Variants in USF3 observed in about 807,000 individuals in gnomAD.
USF3 encodes the protein upstream transcription factor family member 3, also known as basic helix-loop-helix domain-containing protein USF3.
In USF3, 29 loss-of-function variants were observed where a neutral mutation model predicts 157.5. That is an observed-to-expected ratio of 0.18 (90% CI 0.14 to 0.25). The LOEUF (loss-of-function observed/expected upper bound fraction) is 0.25. USF3 is among the 10% of genes least tolerant of loss of function. The probability of loss-of-function intolerance (pLI) is 1.00; values close to 1 mark genes in which losing one functional copy is unlikely to be tolerated. For missense variants in USF3, 2,381 were observed against 2,667.6 expected, an observed-to-expected ratio of 0.89 and a Z score of 2.37; for synonymous variants, 893 against 941.4, an observed-to-expected ratio of 0.95 and a Z score of 0.94.
At position 113,658,652 on chromosome 3, in the gene USF3, A is replaced by T. The variant is rs1356403944; in HGVS notation, c.3030T>A (p.Asp1010Glu). ...KGQGLTTLLSDLAKKKNPQKS... is the reference protein window; with the variant it reads ...KGQGLTTLLSELAKKKNPQKS... ...TCTGAGGGTTTTTTTTTTTAGCAAG[A>T]TCAGATAGCAATGTAGTTAAACCTT... Residue 1010 changes from aspartate (D) to glutamate (E), a missense_variant, in exon 7 of 7, where the codon GAT (aspartate) becomes GAA (glutamate). Physicochemically the swap from Asp to Glu is conservative, Grantham distance 45. Around this residue, in one of 6 missense-constraint regions of USF3, gnomAD observed 1,435 missense variants for 1,550.9 expected, o/e 0.93. Coordinates refer to ENST00000316407, the MANE Select transcript of USF3 (RefSeq NM_001009899.4). The T allele has an allele frequency of 3.1e-6, 5 of 1,613,878 alleles. No individual in the cohort carries two copies. The highest frequency in any genetic ancestry group is 4.2e-6 in the Non-Finnish European group (5 of 1,179,932).
At chr3:113,686,991 T>C (rs1707565668) in intron 1 of USF3, among the ~76,000 whole-genome samples, 1 of 152,124 alleles carries the variant, frequency 6.6e-6, no homozygotes, top group South Asian at 2.1e-4. Context: ...GCGAGAAGAG[T>C]TAATCTCTAC....
At chr3:113,665,083 T>C (rs538541217) in intron 5 of USF3, among the ~76,000 whole-genome samples, 4 of 152,162 alleles carry the variant, frequency 2.6e-5, no homozygotes, top group East Asian at 3.9e-4. Flanking sequence ...TATATGGAGG[T>C]TGGGGAAGGG....
At chr3:113,690,917 G>A (rs1289881946) in intron 1 of USF3, among the ~76,000 whole-genome samples, 1 of 152,146 alleles carries the variant, frequency 6.6e-6, no homozygotes, top group Non-Finnish European at 1.5e-5. Context: ...GCCAGGCACG[G>A]TGGCTCACAC....
intron 1 of USF3, among the ~76,000 whole-genome samples, chr3:113,692,125 G>A (rs1199323239): frequency 2.6e-5 from 4 of 152,140 alleles, no homozygotes; most frequent in African/African-American, 9.7e-5. Context: ...ATCTAATGCT[G>A]CCGCTGATCT....
Position 113,656,145 on chromosome 3 carries a change from G to C in USF3, c.5537C>G (p.Thr1846Arg). 1.2e-6 allele frequency: 2 copies of C among 1,614,178 alleles called. No homozygotes were observed. The highest frequency in any genetic ancestry group is 4.5e-5 in the East Asian group (2 of 44,888). Residue 1846 changes from threonine to arginine, a missense_variant, in exon 7 of 7, where the codon ACA becomes AGA. Thr to Arg is a moderately conservative substitution (Grantham distance 71). Coordinates refer to ENST00000316407, the MANE Select transcript of USF3 (RefSeq NM_001009899.4). ...AATTGCAGAGGATGGACCACACTGT[G>C]TATTCCTCTGATGTTCTGAGAGTGA... Reference protein sequence around the residue: ...QRSLSEHQRNTQCGPSSAIEY... With the variant: ...QRSLSEHQRNRQCGPSSAIEY...
At position 113,657,383 on chromosome 3, in the gene USF3, C is replaced by G; in HGVS notation, c.4299G>C (p.Gln1433His). 2 of 1,614,102 alleles carry G rather than the reference C, an allele frequency of 1.2e-6. No homozygotes were observed. Among genetic ancestry groups the G allele is most frequent in the Non-Finnish European group, 1.7e-6 (2 of 1,180,028 alleles). ...GCAGGGCCTGTAGATGCTGACTTGC[C>G]TGGGTTTGCTGCTGTTCAGCAACTG... ...QPSVAEQQQT[Q>H]ASQHLQALQQ... Residue 1433 changes from glutamine (Q) to histidine (H), a missense_variant, in exon 7 of 7, where the codon CAG becomes CAC. Physicochemically the swap from Gln to His is conservative, Grantham distance 24 (BLOSUM62 0). This residue lies in a region of USF3 where 1,435 missense variants were observed against 1,550.9 expected (regional missense o/e 0.93). Coordinates refer to ENST00000316407, the MANE Select transcript of USF3 (RefSeq NM_001009899.4).
Position 113,659,206 on chromosome 3 carries a change from G to A in USF3, c.2476C>T (p.Pro826Ser), listed in dbSNP as rs1361199626. The A allele has an allele frequency of 6.2e-7, 1 of 1,614,114 alleles. No individual in the cohort carries two copies. Among genetic ancestry groups the A allele is most frequent in the Admixed American group, 1.7e-5 (1 of 60,004 alleles). The change falls in exon 7 of 7, where the codon CCC (proline) becomes TCC (serine). Residue 826 changes from proline to serine, a missense_variant. Around this residue, in one of 6 missense-constraint regions of USF3, gnomAD observed 1,435 missense variants for 1,550.9 expected, o/e 0.93. Transcript: ENST00000316407. ...SVRDVSKLDCPNTEGSAEPPC... is the reference protein window; with the variant it reads ...SVRDVSKLDCSNTEGSAEPPC... ...GGCTCTGCTGAGCCTTCAGTGTTGG[G>A]GCAGTCTAACTTGCTCACATCTCTG... is the stretch of plus-strand genomic sequence containing the variant.
chr3:113,653,526 C>A lies in USF3; in HGVS notation c.*1418G>T, dbSNP rs1947299975. On this transcript the variant is annotated 3_prime_UTR_variant, in exon 7 of 7. Transcript: ENST00000316407. ...GCTGAGGCAGGAGAATCACTTGAAC[C>A]CGGGAGGTGGAGCTTGCAGTGAGCT... 2 of 151,288 alleles carry A rather than the reference C, an allele frequency of 1.3e-5. No homozygotes were observed. Among genetic ancestry groups the A allele is most frequent in the Non-Finnish European group, 2.9e-5 (2 of 68,018 alleles). The allele number at this position is 151,288 out of a possible 1,614,324, so 9.4% of individuals were successfully genotyped here.
chr3:113,650,555 A>C lies in USF3; in HGVS notation c.*4389T>G, dbSNP rs1021332094. On this transcript the variant is annotated 3_prime_UTR_variant, in exon 7 of 7. Coordinates refer to ENST00000316407, the MANE Select transcript of USF3 (RefSeq NM_001009899.4). ...CTATCAAAGGGAAGATAAAGCTAAG[A>C]AGATGCATATTCATAAGATTTTACC... 6 of 152,224 alleles carry C rather than the reference A, an allele frequency of 3.9e-5. No individual in the cohort carries two copies. Among genetic ancestry groups the C allele is most frequent in the African/African-American group, 1.4e-4 (6 of 41,454 alleles). The allele number at this position is 152,224 out of a possible 1,614,324, so 9.4% of individuals were successfully genotyped here. A position where few individuals can be genotyped will look rare whatever the true frequency, so the allele number is the denominator to read the frequency against.
Position 113,661,511 on chromosome 3 carries a change from T to C in USF3, c.257-86A>G, listed in dbSNP as rs1947486750. The C allele has an allele frequency of 1.1e-5, 8 of 703,928 alleles. No individual in the cohort carries two copies. The South Asian group carries it at 1.4e-4, about 12-fold the overall frequency. The allele number at this position is 703,928 out of a possible 1,614,324, so 43.6% of individuals were successfully genotyped here. A position where few individuals can be genotyped will look rare whatever the true frequency, so the allele number is the denominator to read the frequency against. On this transcript the variant is annotated intron_variant, in intron 6 of 6. Coordinates refer to ENST00000316407, the MANE Select transcript of USF3 (RefSeq NM_001009899.4). ...GATAAAGAACTGTATACTAAACTAC[T>C]GAATTCTAATTCTAGCATTCTAAGT...
chr3:113,667,942 G>A (rs967857607), intron 5 of USF3, among the ~76,000 whole-genome samples: 4 of 152,098 alleles, frequency 2.6e-5, no homozygotes, highest in Non-Finnish European at 5.9e-5. Flanking sequence ...GGGAAGAAAG[G>A]AAATGAAGAG....
rs1044936724 is a variant in USF3 at position 113,654,889 on chromosome 3, C to G, written c.*55G>C. ...TCATGTACATGTCTGTGCACATGCA[C>G]GCACAAATACATTTGTAATCTCACT... On this transcript the variant is annotated 3_prime_UTR_variant, in exon 7 of 7. Transcript: ENST00000316407. 2 of 1,535,574 alleles carry G rather than the reference C, an allele frequency of 1.3e-6. No homozygotes were observed. The highest frequency in any genetic ancestry group is 4.5e-5 in the East Asian group (2 of 44,238).
intron 6 of USF3, among the ~76,000 whole-genome samples, chr3:113,662,626 A>G (rs1222737893): frequency 1.3e-5 from 2 of 152,218 alleles, no homozygotes; most frequent in African/African-American, 4.8e-5. Context: ...GTAGAAATTA[A>G]AGAACAATCA....
intron 1 of USF3, among the ~76,000 whole-genome samples, chr3:113,695,619 T>C (rs989890782): frequency 6.6e-6 from 1 of 152,242 alleles, no homozygotes; most frequent in Non-Finnish European, 1.5e-5. Context: ...TTCTGCACTT[T>C]GGTTTATGCA....
At chr3:113,670,350 G>C in intron 4 of USF3, 147 bp from the exon 5 acceptor site, 3 of 614,524 alleles carry the variant, frequency 4.9e-6, no homozygotes. Flanking sequence ...TGCAAACCCA[G>C]CATTTTGGGA....
At chr3:113,681,690 A>G (rs1434232081) in intron 1 of USF3, among the ~76,000 whole-genome samples, 2 of 149,738 alleles carry the variant, frequency 1.3e-5, no homozygotes, top group African/African-American at 4.9e-5. Flanking sequence ...ATGAGCCACC[A>G]CACCCAGCAA....
chr3:113,680,063 T>TC (rs1321514846), intron 1 of USF3, among the ~76,000 whole-genome samples: 6 of 145,566 alleles, frequency 4.1e-5, no homozygotes, highest in Non-Finnish European at 7.5e-5. Flanking sequence ...CTTTTTTTTT[T>TC]TTTTTTTTTT....
Position 113,670,209 on chromosome 3 carries a change from T to C in USF3, c.77-6A>G. 2 of 1,574,278 alleles carry C rather than the reference T, an allele frequency of 1.3e-6. No homozygotes were observed. The highest frequency in any genetic ancestry group is 1.3e-5 in the African/African-American group (1 of 74,252). Reference sequence around the variant, plus strand: ...CTTCTTTCTATGCCTCTCCACTAGATGGGAGAAAATTCGTTTATCAAACCT... The same window carrying C: ...CTTCTTTCTATGCCTCTCCACTAGACGGGAGAAAATTCGTTTATCAAACCT... On this transcript the variant is annotated splice_region_variant and splice_polypyrimidine_tract_variant and intron_variant, in intron 4 of 6. Transcript: ENST00000316407.
At chr3:113,684,535 T>G (rs1430536459) in intron 1 of USF3, among the ~76,000 whole-genome samples, 1 of 152,146 alleles carries the variant, frequency 6.6e-6, no homozygotes, top group Non-Finnish European at 1.5e-5. Flanking sequence ...TGGGCATGCT[T>G]CATATTTTTT....
Sources: gnomAD v4.1 joint callset for allele counts (sites outside exome capture counted in the v4.1 genomes callset) on GRCh38, gnomAD v4.1.1 for gene constraint, gnomAD v4.1.1 regional missense constraint, MANE v1.5 for transcripts, NCBI Gene and HGNC (gene_info 2026-07-23, HGNC 2026-07-21) for gene names.